DBNL: variants seen among roughly 807,000 people sequenced by gnomAD.
The protein encoded by DBNL is drebrin-like protein.
In DBNL, 35 loss-of-function variants were observed where a neutral mutation model predicts 62.2. The ratio of observed to expected loss-of-function variants is 0.56; its 90% CI spans 0.43 to 0.75. The LOEUF is 0.75. Among genes scored for constraint, DBNL ranks in the 30% least tolerant of loss-of-function variants. The probability of loss-of-function intolerance (pLI) is 0.00; values close to 1 mark genes in which losing one functional copy is unlikely to be tolerated. For synonymous variants in DBNL, 197 were observed against 218.0 expected (o/e 0.90, Z 0.85); for missense variants, 495 against 578.4 (o/e 0.86, Z 1.48).
Position 44,044,815 on chromosome 7 carries a change from C to T in DBNL, c.78C>T (p.Thr26=). Reference sequence around the variant, plus strand: ...GGGTGGTCACCGAGAAGTCCCCGACCGACTGGTGGGCGGCGAGACGGGCCA... The same window carrying T: ...GGGTGGTCACCGAGAAGTCCCCGACTGACTGGTGGGCGGCGAGACGGGCCA... ...YVRVVTEKSP[T]DWALFTYEGN... is the part of the protein sequence containing the mutation. Residue 26 remains threonine (T), a synonymous_variant, in exon 1 of 13, where the codon ACC becomes ACT. Transcript: ENST00000448521. 1 of 1,475,046 alleles carries T rather than the reference C, an allele frequency of 6.8e-7. No homozygotes were observed. The highest frequency in any genetic ancestry group is 1.3e-5 in the South Asian group (1 of 78,112). 91.4% of individuals were successfully genotyped at this position (1,475,046 alleles called of 1,614,324 possible).
rs774166096 is a variant in DBNL, at chr7:44,058,898, C to G, written c.754-4C>G. The G allele has an allele frequency of 6.2e-7, 1 of 1,613,906 alleles. No homozygotes were observed. Among genetic ancestry groups the G allele is most frequent in the Non-Finnish European group, 8.5e-7 (1 of 1,179,942 alleles). On this transcript the variant is annotated splice_region_variant and splice_polypyrimidine_tract_variant and intron_variant, in intron 8 of 12. Coordinates refer to ENST00000448521, the MANE Select transcript of DBNL (RefSeq NM_001014436.3). ...TGCAGGGGTCAACATGTGCTTCCCT[C>G]CAGGAGTCTGCCGTGCACCCGAGGG...
chr7:44,059,792 T>C lies in DBNL; in HGVS notation c.1047+134T>C. 2.1e-6 allele frequency: 2 copies of C among 963,434 alleles called. No homozygotes were observed. The highest frequency in any genetic ancestry group is 3.0e-6 in the Non-Finnish European group (2 of 657,796). 59.7% of individuals were successfully genotyped at this position (963,434 alleles called of 1,614,324 possible). ...GCATTTTTGGAGCAGCCCTGTGTTA[T>C]AAATTGTCAGGGCACGCCCCACTCT... On this transcript the variant is annotated intron_variant, in intron 11 of 12. Transcript: ENST00000448521. The surrounding 1 kb of genome is among the most constrained non-coding windows in gnomAD (Gnocchi z 4.1).
chr7:44,064,810 A>G lies in DBNL; in HGVS notation c.*3894A>G, dbSNP rs949214694. The G allele has an allele frequency of 1.6e-5, 10 of 610,254 alleles. No individual in the cohort carries two copies. The highest frequency in any genetic ancestry group is 4.5e-4 in the Middle Eastern group (1 of 2,232). The allele number at this position is 610,254 out of a possible 1,614,324, so 37.8% of individuals were successfully genotyped here. On this transcript the variant is annotated 3_prime_UTR_variant, in exon 13 of 13. Coordinates refer to ENST00000448521, the MANE Select transcript of DBNL (RefSeq NM_001014436.3). ...GGGCTGCTGCCCACCCACCCTGCCC[A>G]GGCTCCTGAAGGTGGCCTCACCTTC...
chr7:44,064,923 G>T lies in DBNL; in HGVS notation c.*4007G>T. ...CCTTGATCTGGGGAACAATCTCCTC[G>T]TTCCAGAAGGGCAGGGCCCGGGCAA... On this transcript the variant is annotated 3_prime_UTR_variant, in exon 13 of 13. Coordinates refer to ENST00000448521, the MANE Select transcript of DBNL (RefSeq NM_001014436.3). The T allele has an allele frequency of 6.2e-7, 1 of 1,610,880 alleles. No individual in the cohort carries two copies.
At position 44,066,960 on chromosome 7, in the gene DBNL, T is replaced by G. The variant is rs1340366550; in HGVS notation, c.*6044T>G. On this transcript the variant is annotated 3_prime_UTR_variant, in exon 13 of 13. Coordinates refer to ENST00000448521, the MANE Select transcript of DBNL (RefSeq NM_001014436.3). Reference sequence around the variant, plus strand: ...ATGACTGAGGACCAGGCTCTGGCAGTCCCACAGGGGCCAGACATGAAGCCC... The same window carrying G: ...ATGACTGAGGACCAGGCTCTGGCAGGCCCACAGGGGCCAGACATGAAGCCC... 1.3e-5 allele frequency: 2 copies of G among 152,294 alleles called. No homozygotes were observed. The highest frequency in any genetic ancestry group is 2.9e-5 in the Non-Finnish European group (2 of 68,096). 9.4% of individuals were successfully genotyped at this position (152,294 alleles called of 1,614,324 possible). A position where few individuals can be genotyped will look rare whatever the true frequency, so the allele number is the denominator to read the frequency against.
Position 44,050,281 on chromosome 7 carries a change from G to T in DBNL, c.139+1G>T, listed in dbSNP as rs1291478920. ...GACATCCGCGTGGCTGGCACAGGGG[G>T]TGAGTATGACTCCAAATGGACTCAG... On this transcript the variant is annotated splice_donor_variant, in intron 2 of 12. Coordinates refer to ENST00000448521, the MANE Select transcript of DBNL (RefSeq NM_001014436.3). LOFTEE classifies it high-confidence loss of function. The T allele has an allele frequency of 1.2e-6, 2 of 1,613,540 alleles. No individual in the cohort carries two copies. The highest frequency in any genetic ancestry group is 2.2e-5 in the East Asian group (1 of 44,874).
chr7:44,052,828 G>C (rs762661293), intron 3 of DBNL, 39 bp from the exon 4 acceptor site: 27 of 1,611,832 alleles, frequency 1.7e-5, no homozygotes, highest in Middle Eastern at 3.3e-4. Flanking sequence ...AGTGGCTTTG[G>C]GGGAGGCCTG....
chr7:44,066,529 C>A lies in DBNL; in HGVS notation c.*5613C>A, dbSNP rs1258001879. The A allele has an allele frequency of 2.0e-5, 3 of 152,322 alleles. No individual in the cohort carries two copies. The highest frequency in any genetic ancestry group is 7.2e-5 in the African/African-American group (3 of 41,470). The allele number at this position is 152,322 out of a possible 1,614,324, so 9.4% of individuals were successfully genotyped here. On this transcript the variant is annotated 3_prime_UTR_variant, in exon 13 of 13. Coordinates refer to ENST00000448521, the MANE Select transcript of DBNL (RefSeq NM_001014436.3). Reference sequence around the variant, plus strand: ...CTTGGGCATGGGCCCCATCCAGGGCCTCCCATTTCCTCCCACCCCAGTGAC... The same window carrying A: ...CTTGGGCATGGGCCCCATCCAGGGCATCCCATTTCCTCCCACCCCAGTGAC...
intron 5 of DBNL, among the ~76,000 whole-genome samples, chr7:44,057,155 G>A (rs1200495645): frequency 1.3e-5 from 2 of 152,242 alleles, no homozygotes; most frequent in Admixed American, 6.5e-5. Context: ...CAGAGTGGAG[G>A]CTCTGCAGCA....
chr7:44,062,945 A>G lies in DBNL; in HGVS notation c.*2029A>G, dbSNP rs1212620646. 2.5e-6 allele frequency: 4 copies of G among 1,614,054 alleles called. No individual in the cohort carries two copies. The highest frequency in any genetic ancestry group is 2.5e-6 in the Non-Finnish European group (3 of 1,179,914). On this transcript the variant is annotated 3_prime_UTR_variant, in exon 13 of 13. Coordinates refer to ENST00000448521, the MANE Select transcript of DBNL (RefSeq NM_001014436.3). ...GTCTGACATCCCTATGCCGGAAGGA[A>G]TAGGTGTCCTTAGCCCCTCTGTCCC...
In DBNL at chr7:44,059,613, T is replaced by A; in HGVS notation, c.1002T>A (p.Tyr334Ter). Residue 334 changes from tyrosine (Y) to a stop codon, truncating the protein, a stop_gained, in exon 11 of 13, where the codon TAT (tyrosine) becomes TAA (stop). Transcript: ENST00000448521. LOFTEE classifies it high-confidence loss of function. This position sits in a 1 kb window ranked among gnomAD's most constrained non-coding sequence, Gnocchi z 4.1. ...TGCAGGCAGAAGAGGAGGCTGTGTA[T>A]GAGGAACCTCCAGAGCAGGAGACCT... Reference protein sequence around the residue: ...CLVQAEEEAVYEEPPEQETFY... With the variant: ...CLVQAEEEAV 1.2e-6 allele frequency: 2 copies of A among 1,610,606 alleles called. No homozygotes were observed. Among genetic ancestry groups the A allele is most frequent in the Non-Finnish European group, 1.7e-6 (2 of 1,179,898 alleles).
chr7:44,058,576 G>T, intron 8 of DBNL, 96 bp downstream of exon 8: 1 of 1,493,434 alleles, frequency 6.7e-7, no homozygotes, highest in Non-Finnish European at 9.1e-7. Context: ...CTGGGCAGAG[G>T]CTGCCCTGCA....
rs144070530 is a variant in DBNL at position 44,062,820 on chromosome 7, C to T, written c.*1904C>T. 1.9e-6 allele frequency: 3 copies of T among 1,614,114 alleles called. No homozygotes were observed. The highest frequency in any genetic ancestry group is 2.5e-6 in the Non-Finnish European group (3 of 1,180,044). On this transcript the variant is annotated 3_prime_UTR_variant, in exon 13 of 13. Transcript: ENST00000448521. The stretch of plus-strand genomic sequence containing the variant: ...TCCATGGCCTTCCGCACCGTTTCCT[C>T]ATCACCCAGGAACTGCATGGGCTTG...
At position 44,067,031 on chromosome 7, in the gene DBNL, CCGTAGATAGCACCAGATGCTAGGAAGGA is replaced by C; in HGVS notation, c.*6116_*6143del. 1 of 152,490 alleles carries C rather than the reference CCGTAGATAGCACCAGATGCTAGGAAGGA, an allele frequency of 6.6e-6. No individual in the cohort carries two copies. The highest frequency in any genetic ancestry group is 2.4e-5 in the African/African-American group (1 of 41,410). The allele number at this position is 152,490 out of a possible 1,614,324, so 9.4% of individuals were successfully genotyped here. A position where few individuals can be genotyped will look rare whatever the true frequency, so the allele number is the denominator to read the frequency against. ...TCGTACCAGCAGCTAAACATGCCTA[CCGTAGATAGCACCAGATGCTAGGAAGGA>C]AGGACCATAATGTACTGGGAGAGAT... On this transcript the variant is annotated 3_prime_UTR_variant, in exon 13 of 13. Transcript: ENST00000448521.
Position 44,062,895 on chromosome 7 carries a change from G to T in DBNL, c.*1979G>T. 2 of 1,614,204 alleles carry T rather than the reference G, an allele frequency of 1.2e-6. No homozygotes were observed. The highest frequency in any genetic ancestry group is 1.7e-6 in the Non-Finnish European group (2 of 1,180,024). ...TCATACACAATGGGGATCCCCGTGG[G>T]CAGGTTCAGCTCCATGATCGCCTGG... On this transcript the variant is annotated 3_prime_UTR_variant, in exon 13 of 13. Transcript: ENST00000448521.
intron 3 of DBNL, among the ~76,000 whole-genome samples, chr7:44,052,575 A>G (rs986189725): frequency 6.7e-6 from 1 of 150,086 alleles, no homozygotes; most frequent in Admixed American, 6.8e-5. Context: ...GCGCCACTGT[A>G]CTCCAGCCTG....
chr7:44,059,364 G>A lies in DBNL; in HGVS notation c.846G>A (p.Arg282=), dbSNP rs1478468790. 2.5e-6 allele frequency: 4 copies of A among 1,614,012 alleles called. No homozygotes were observed. Among genetic ancestry groups the A allele is most frequent in the Non-Finnish European group, 3.4e-6 (4 of 1,179,972 alleles). ...TACCCGGGTTTGCAGGCAAGCTGAG[G>A]AGCCCCTTCCTGCAGAAGCAGCTCA... ...SISSPQPGKL[R]SPFLQKQLTQ... The change falls in exon 10 of 13, where the codon AGG becomes AGA. Residue 282 remains arginine (R), a synonymous_variant. Coordinates refer to ENST00000448521, the MANE Select transcript of DBNL (RefSeq NM_001014436.3). This position sits in a 1 kb window ranked among gnomAD's most constrained non-coding sequence, Gnocchi z 4.1.
In DBNL at chr7:44,057,769, C is replaced by G. The variant is rs756927337; in HGVS notation, c.475-13C>G. 5 of 1,614,108 alleles carry G rather than the reference C, an allele frequency of 3.1e-6. No homozygotes were observed. In the Admixed American group the frequency reaches 6.7e-5, roughly 22 times the overall value. ...CCTGGGTCCAGGTCTCTAATGAGTG[C>G]TGTCCCCTACAGGGCTCTGTGTACC... On this transcript the variant is annotated splice_polypyrimidine_tract_variant and intron_variant, in intron 5 of 12. Coordinates refer to ENST00000448521, the MANE Select transcript of DBNL (RefSeq NM_001014436.3).
intron 4 of DBNL, 38 bp downstream of exon 4, chr7:44,052,979 C>G: frequency 6.2e-7 from 1 of 1,600,512 alleles, no homozygotes; most frequent in East Asian, 2.3e-5. Flanking sequence ...GGGAACAGGC[C>G]TCACAGGCTT....
Sources: allele counts gnomAD v4.1 joint callset (sites outside exome capture counted in the v4.1 genomes callset), GRCh38; gene constraint gnomAD v4.1.1; non-coding constraint Gnocchi (gnomAD v3.1); transcripts MANE v1.5; gene names NCBI Gene and HGNC (gene_info 2026-07-23, HGNC 2026-07-21).